Variants in GLI3 observed in about 807,000 individuals in gnomAD.
The protein encoded by GLI3 is transcription activator GLI3.
In GLI3, 20 loss-of-function variants were observed where a neutral mutation model predicts 100.8. That is an observed-to-expected ratio of 0.20 (90% CI 0.14 to 0.29). GLI3 has a LOEUF of 0.29. Among genes scored for constraint, GLI3 ranks in the 10% least tolerant of loss-of-function variants. GLI3 has a pLI of 1.00. For synonymous variants in GLI3, 938 were observed against 860.5 expected, an observed-to-expected ratio of 1.09 and a Z score of -1.58; for missense variants, 2,040 against 2,128.5, an observed-to-expected ratio of 0.96 and a Z score of 0.82.
intron 3 of GLI3, among the ~76,000 whole-genome samples, chr7:42,128,116 T>A (rs1025391241): frequency 2.6e-5 from 4 of 151,472 alleles, no homozygotes; most frequent in African/African-American, 7.3e-5. Context: ...AATAAAAAAA[T>A]AAAATCAAAG....
At chr7:42,032,912 A>T (rs1393843176) in intron 7 of GLI3, among the ~76,000 whole-genome samples, 5 of 152,186 alleles carry the variant, frequency 3.3e-5, no homozygotes, top group Non-Finnish European at 7.3e-5. Flanking sequence ...CTAACATAAC[A>T]GCTTTTCCTA....
intron 4 of GLI3, among the ~76,000 whole-genome samples, chr7:42,073,128 A>G (rs564629033): frequency 1.8e-4 from 27 of 152,364 alleles, no homozygotes; most frequent in African/African-American, 6.5e-4. Context: ...TCCAGGTCCT[A>G]CTTAGAAGTT....
chr7:42,041,467 A>G (rs886478876), intron 6 of GLI3, among the ~76,000 whole-genome samples: 1 of 152,248 alleles, frequency 6.6e-6, no homozygotes, highest in Admixed American at 6.5e-5. Flanking sequence ...TCATCAAACT[A>G]AAGTTTAATG....
At chr7:42,129,522 T>G (rs1363032105) in intron 3 of GLI3, among the ~76,000 whole-genome samples, 1 of 152,162 alleles carries the variant, frequency 6.6e-6, no homozygotes, top group Non-Finnish European at 1.5e-5. Flanking sequence ...TAAGAAGCCA[T>G]GGGCTGGGTT....
chr7:42,058,595 T>C (rs1272691526), intron 4 of GLI3, among the ~76,000 whole-genome samples: 2 of 152,144 alleles, frequency 1.3e-5, no homozygotes, highest in African/African-American at 4.8e-5. Context: ...AGCTGACACA[T>C]TAGTCTAAAT....
chr7:42,084,723 GT>G lies in GLI3; in HGVS notation c.368-7867del, dbSNP rs547222351. On this transcript the variant is annotated intron_variant, in intron 3 of 14. Coordinates refer to ENST00000395925, the MANE Select transcript of GLI3 (RefSeq NM_000168.6). ...TAAACATATAAGGAATCACTTAAAA[GT>G]GACAAATCTGTTTACTTTGAAATAT... Among the ~76,000 whole-genome samples, 214 of 152,238 alleles carry G rather than the reference GT, an allele frequency of 1.4e-3. 1 individual carries two copies. The highest frequency in any genetic ancestry group is 5.0e-3 in the African/African-American group (208 of 41,542).
rs555794809 is a variant in GLI3, at chr7:42,148,280, G to A, written c.313C>T (p.Arg105Cys). The A allele has an allele frequency of 3.7e-5, 59 of 1,612,994 alleles. No homozygotes were observed. The highest frequency in any genetic ancestry group is 6.7e-5 in the African/African-American group (5 of 75,004). ...GGGTCCATGGCAAACACCGTCCCGC[G>A]GTACGGCACAGAGGGCTCCGCCACG... Reference protein sequence around the residue: ...PHVAEPSVPYRGTVFAMDPRN... With the variant: ...PHVAEPSVPYCGTVFAMDPRN... The change falls in exon 3 of 15, where the codon CGC (arginine) becomes TGC (cysteine). Residue 105 changes from arginine (R) to cysteine (C), a missense_variant. By Grantham distance (180) the Arg-to-Cys change is radical. Transcript: ENST00000395925.
chr7:42,109,269 TCA>T (rs1327948750), intron 3 of GLI3, among the ~76,000 whole-genome samples: 1 of 152,174 alleles, frequency 6.6e-6, no homozygotes, highest in African/African-American at 2.4e-5. Flanking sequence ...CTGCGGTTCA[TCA>T]CAGTCACTAC....
chr7:42,109,296 C>T (rs1785648116), intron 3 of GLI3, among the ~76,000 whole-genome samples: 1 of 152,146 alleles, frequency 6.6e-6, no homozygotes, highest in South Asian at 2.1e-4. Flanking sequence ...CAGCCAAGAG[C>T]TGGATAAAGA....
At chr7:42,234,159 T>C (rs1045379665) in intron 1 of GLI3, among the ~76,000 whole-genome samples, 3 of 152,358 alleles carry the variant, frequency 2.0e-5, no homozygotes, top group East Asian at 1.9e-4. Context: ...TCATGACTCA[T>C]TGATTCACTT....
intron 10 of GLI3, among the ~76,000 whole-genome samples, chr7:42,009,936 T>C (rs1281420164): frequency 6.6e-6 from 1 of 152,226 alleles, no homozygotes; most frequent in African/African-American, 2.4e-5. Flanking sequence ...TATGTTCAGG[T>C]AAGTCTATGT....
chr7:42,030,599 T>G (rs548505436), intron 7 of GLI3, among the ~76,000 whole-genome samples: 117 of 152,222 alleles, frequency 7.7e-4, no homozygotes, highest in Non-Finnish European at 1.4e-3. Context: ...AGAAGGTAAA[T>G]TCTATTTTTA....
intron 7 of GLI3, among the ~76,000 whole-genome samples, chr7:42,035,493 G>C (rs1789412209): frequency 6.6e-6 from 1 of 152,178 alleles, no homozygotes; most frequent in Admixed American, 6.5e-5. Flanking sequence ...GCACTCAGAG[G>C]GGTGATGTGC....
Position 41,966,556 on chromosome 7 carries a change from A to T in GLI3, c.2517T>A (p.Thr839=). The T allele has an allele frequency of 6.2e-7, 1 of 1,614,062 alleles. No homozygotes were observed. The highest frequency in any genetic ancestry group is 8.5e-7 in the Non-Finnish European group (1 of 1,180,022). ...CCCTTCTGTTGAGCATGTTCAGCAT[A>T]GTGACGTCCACCCCAGAGAGGTCGC... The part of the protein sequence containing the change: ...GRSDLSGVDV[T]MLNMLNRRDS... The change falls in exon 15 of 15, where the codon ACT becomes ACA. Residue 839 remains threonine, a synonymous_variant. Transcript: ENST00000395925. The surrounding 1 kb of genome is among the most constrained non-coding windows in gnomAD (Gnocchi z 5.8).
intron 1 of GLI3, among the ~76,000 whole-genome samples, chr7:42,248,809 G>A (rs144307829): frequency 0.025 from 3,716 of 150,724 alleles, 52 homozygotes; most frequent in South Asian, 0.039. Flanking sequence ...TTTTTTTTGA[G>A]ATAGGGTCTC....
chr7:42,090,887 T>C (rs1185498016), intron 3 of GLI3, among the ~76,000 whole-genome samples: 1 of 152,388 alleles, frequency 6.6e-6, no homozygotes, highest in East Asian at 1.9e-4. Flanking sequence ...GGTATTCATA[T>C]GCTATTTTGC....
intron 1 of GLI3, among the ~76,000 whole-genome samples, chr7:42,256,115 T>C (rs1008730163): frequency 6.6e-5 from 10 of 152,166 alleles, no homozygotes; most frequent in Non-Finnish European, 1.5e-4. Flanking sequence ...CTTAGTGAAA[T>C]TTCTTTTAAA....
At chr7:42,128,252 T>G (rs1358339120) in intron 3 of GLI3, among the ~76,000 whole-genome samples, 1 of 152,176 alleles carries the variant, frequency 6.6e-6, no homozygotes, top group Non-Finnish European at 1.5e-5. Context: ...TGTTATGGTA[T>G]TAGCCAGAAT....
rs1371832924 is a variant in GLI3, at chr7:41,967,910, C to T, written c.2117G>A (p.Ser706Asn). The T allele has an allele frequency of 6.2e-7, 1 of 1,614,064 alleles. No homozygotes were observed. ...KAEKPMTSQP[S>N]PGGQSSCSSQ... Reference sequence around the variant, plus strand: ...GCTGCATGAAGACTGACCACCAGGGCTTGGCTGAGATGTCTGTTGGGGTCA... The same window carrying T: ...GCTGCATGAAGACTGACCACCAGGGTTTGGCTGAGATGTCTGTTGGGGTCA... The change falls in exon 14 of 15, where the codon AGC (serine) becomes AAC (asparagine). Residue 706 changes from serine (S) to asparagine (N), a missense_variant. Around this residue, in one of 5 missense-constraint regions of GLI3, gnomAD observed 327 missense variants for 338.7 expected, o/e 0.97. Coordinates refer to ENST00000395925, the MANE Select transcript of GLI3 (RefSeq NM_000168.6).
Sources: gnomAD v4.1 joint callset for allele counts (sites outside exome capture counted in the v4.1 genomes callset) on GRCh38, gnomAD v4.1.1 for gene constraint, gnomAD v4.1.1 regional missense constraint, Gnocchi (gnomAD v3.1) non-coding constraint, MANE v1.5 for transcripts, NCBI Gene and HGNC (gene_info 2026-07-23, HGNC 2026-07-21) for gene names.